The following DCAF6 variants were observed in gnomAD, a reference collection of about 807,000 sequenced individuals.
DCAF6 encodes the protein DDB1 and CUL4 associated factor 6.
Under a neutral mutation model 125.1 loss-of-function variants are expected in DCAF6, and 54 were observed. That is an observed-to-expected ratio of 0.43 (90% CI 0.35 to 0.54). The LOEUF is 0.54. DCAF6 is among the 20% of genes least tolerant of loss of function. The pLI is 0.01. For synonymous variants in DCAF6, 371 were observed against 390.4 expected, an observed-to-expected ratio of 0.95 and a Z score of 0.58; for missense variants, 934 against 1,161.7, an observed-to-expected ratio of 0.80 and a Z score of 2.85.
At chr1:167,988,787 GA>G (rs1680389541) in intron 5 of DCAF6, among the ~76,000 whole-genome samples, 4 of 152,174 alleles carry the variant, frequency 2.6e-5, no homozygotes, top group Admixed American at 2.6e-4. Flanking sequence ...AGTAGAAATT[GA>G]AAAACCTTTA....
intron 4 of DCAF6, among the ~76,000 whole-genome samples, chr1:167,979,127 C>A (rs1678699893): frequency 6.6e-6 from 1 of 151,940 alleles, no homozygotes; most frequent in Admixed American, 6.6e-5. Flanking sequence ...CTGGATTTGA[C>A]TTTTGTTATA....
chr1:167,914,799 A>T, the DCAF6 span, among the ~76,000 whole-genome samples: 1 of 152,254 alleles, frequency 6.6e-6, no homozygotes, highest in Non-Finnish European at 1.5e-5. Context: ...ATTGGAATTT[A>T]AAAAGTCTTA....
chr1:168,057,976 C>T (rs867434728), intron 17 of DCAF6, among the ~76,000 whole-genome samples: 5 of 152,150 alleles, frequency 3.3e-5, no homozygotes, highest in African/African-American at 1.2e-4. Flanking sequence ...AACCAGTGTC[C>T]TGAATGTTAT....
chr1:167,914,428 G>A, the DCAF6 span, among the ~76,000 whole-genome samples: 1,976 of 152,284 alleles, frequency 0.013, 23 homozygotes, highest in Middle Eastern at 0.058. Flanking sequence ...TCCAGAGCAA[G>A]CAAACACCTA....
chr1:167,884,029 C>T, the DCAF6 span, among the ~76,000 whole-genome samples: 1 of 152,174 alleles, frequency 6.6e-6, no homozygotes, highest in African/African-American at 2.4e-5. Context: ...TTGATACAGG[C>T]ATGCAATGCG....
At chr1:168,026,347 A>G (rs189523895) in intron 12 of DCAF6, among the ~76,000 whole-genome samples, 1 of 152,306 alleles carries the variant, frequency 6.6e-6, no homozygotes, top group African/African-American at 2.4e-5. Context: ...TAAGAGCTGT[A>G]GGGATTACTT....
chr1:167,910,631 T>C, the DCAF6 span, among the ~76,000 whole-genome samples: 7 of 152,310 alleles, frequency 4.6e-5, no homozygotes, highest in Admixed American at 4.6e-4. Context: ...GGAAAGTTGG[T>C]GTGTTTTTCT....
Position 167,993,394 on chromosome 1 carries a change from C to T in DCAF6, c.857C>T (p.Thr286Ile), listed in dbSNP as rs1240780856. 1.2e-6 allele frequency: 2 copies of T among 1,613,776 alleles called. No individual in the cohort carries two copies. The highest frequency in any genetic ancestry group is 1.7e-6 in the Non-Finnish European group (2 of 1,179,854). The change falls in exon 7 of 22, where the codon ACA becomes ATA. Residue 286 changes from threonine to isoleucine, a missense_variant. By Grantham distance (89) the Thr-to-Ile change is moderately conservative. Transcript: ENST00000367840. Reference protein sequence around the residue: ...YIYLFDPKDDTARELKTPSAE... With the variant: ...YIYLFDPKDDIARELKTPSAE... ...TATCTTTTTGACCCGAAAGATGATA[C>T]AGCACGAGAACTTAAAACTCCTTCT...
chr1:168,055,254 ATGG>A (rs1349791162), intron 17 of DCAF6, among the ~76,000 whole-genome samples: 1 of 147,672 alleles, frequency 6.8e-6, no homozygotes, highest in Non-Finnish European at 1.5e-5. Flanking sequence ...ATTGAAGGAG[ATGG>A]TGGTGAGGAT....
the DCAF6 span, among the ~76,000 whole-genome samples, chr1:167,918,845 G>A: frequency 2.0e-5 from 3 of 151,870 alleles, no homozygotes; most frequent in East Asian, 1.9e-4. Flanking sequence ...TGCCTGCCTC[G>A]GCCTCCCAAA....
chr1:167,901,921 T>A, the DCAF6 span: 16 of 1,604,446 alleles, frequency 1.0e-5, no homozygotes, highest in Non-Finnish European at 1.4e-5. Context: ...TCCTGGCCAC[T>A]CCCTTCTCTA....
the DCAF6 span, among the ~76,000 whole-genome samples, chr1:167,898,655 C>T: frequency 6.6e-6 from 1 of 151,882 alleles, no homozygotes. Flanking sequence ...TGCTATAAGC[C>T]AGCTAGGCCA....
intron 4 of DCAF6, among the ~76,000 whole-genome samples, chr1:167,976,203 T>C (rs1036332462): frequency 1.3e-5 from 2 of 152,200 alleles, no homozygotes; most frequent in Non-Finnish European, 2.9e-5. Flanking sequence ...ACGTGGTGGC[T>C]CACACCTGTA....
chr1:167,894,099 G>A, the DCAF6 span, among the ~76,000 whole-genome samples: 2 of 152,278 alleles, frequency 1.3e-5, no homozygotes, highest in African/African-American at 4.8e-5. Context: ...GAAAGGGCCA[G>A]GGGAAATCCA....
At chr1:167,918,127 A>G in the DCAF6 span, 1 of 462,580 alleles carries the variant, frequency 2.2e-6, no homozygotes, top group Non-Finnish European at 3.8e-6. Context: ...ACTAATATCC[A>G]TAGATAAGTT....
In DCAF6 at chr1:167,936,771, C is replaced by T. The variant is rs932522137; in HGVS notation, c.-141C>T. On this transcript the variant is annotated 5_prime_UTR_variant, in exon 1 of 22. Coordinates refer to ENST00000367840, the MANE Select transcript of DCAF6 (RefSeq NM_001198956.2). ...TTCAGGGGCCCAGGCGCCGCTGCTGCCACCGCCATCTAACGCTGCGCCCTG... is the reference window on the plus strand; with the variant it reads ...TTCAGGGGCCCAGGCGCCGCTGCTGTCACCGCCATCTAACGCTGCGCCCTG... 3 of 711,288 alleles carry T rather than the reference C, an allele frequency of 4.2e-6. No individual in the cohort carries two copies. In the African/African-American group the frequency reaches 5.5e-5, roughly 13 times the overall value. 44.1% of individuals were successfully genotyped at this position (711,288 alleles called of 1,614,324 possible). A position where few individuals can be genotyped will look rare whatever the true frequency, so the allele number is the denominator to read the frequency against.
At position 167,991,070 on chromosome 1, in the gene DCAF6, C is replaced by T. The variant is rs1680753947; in HGVS notation, c.553-134C>T. 13 of 664,766 alleles carry T rather than the reference C, an allele frequency of 2.0e-5. 1 individual carries two copies. Among genetic ancestry groups the T allele is most frequent in the Admixed American group, 1.6e-4 (4 of 25,680 alleles). The allele number at this position is 664,766 out of a possible 1,614,324, so 41.2% of individuals were successfully genotyped here. On this transcript the variant is annotated intron_variant, in intron 5 of 21. Transcript: ENST00000367840. ...TTAAAAGAAAGCCGTATTGTTTTTC[C>T]GCTCATTGTCATTCTTGACTGAATT...
chr1:167,956,199 T>C (rs565164162), intron 2 of DCAF6, among the ~76,000 whole-genome samples: 95 of 152,250 alleles, frequency 6.2e-4, no homozygotes, highest in African/African-American at 2.0e-3. Flanking sequence ...TTTTGCCAAG[T>C]GTCTTTTTTT....
At chr1:167,908,439 A>G in the DCAF6 span, among the ~76,000 whole-genome samples, 37 of 152,190 alleles carry the variant, frequency 2.4e-4, no homozygotes, top group Non-Finnish European at 4.9e-4. Flanking sequence ...TGAAGGATAC[A>G]AAGTTTCAAT....
Sources: allele counts gnomAD v4.1 joint callset (sites outside exome capture counted in the v4.1 genomes callset), GRCh38; gene constraint gnomAD v4.1.1; transcripts MANE v1.5; gene names NCBI Gene and HGNC (gene_info 2026-07-23, HGNC 2026-07-21).